The following MEAF6 variants were observed in gnomAD, a reference collection of about 807,000 sequenced individuals.
MEAF6 encodes the protein MYST/Esa1 associated factor 6, also known as chromatin modification-related protein MEAF6.
MEAF6 carries 15 observed loss-of-function variants against 28.9 expected under a neutral mutation model. That is an observed-to-expected ratio of 0.52 (90% CI 0.35 to 0.80). MEAF6 has a LOEUF of 0.80. MEAF6 is among the 30% of genes least tolerant of loss of function. MEAF6 has a pLI of 0.01. For missense variants in MEAF6, 178 were observed against 237.5 expected (o/e 0.75, Z 1.65); for synonymous variants, 97 against 88.7 (o/e 1.09, Z -0.53).
intron 4 of MEAF6, among the ~76,000 whole-genome samples, chr1:37,503,591 G>A (rs766557141): frequency 6.6e-6 from 1 of 151,136 alleles, no homozygotes; most frequent in African/African-American, 2.4e-5. Flanking sequence ...ATAAGTTTGA[G>A]GCTGCAGTGA....
chr1:37,506,744 T>C (rs1009183451), intron 4 of MEAF6, among the ~76,000 whole-genome samples: 2 of 152,042 alleles, frequency 1.3e-5, no homozygotes, highest in African/African-American at 4.8e-5. Flanking sequence ...GGCTGGAGTG[T>C]CATGGCTCAC....
In MEAF6 at chr1:37,492,560, C is replaced by CAAAAAAAAAAAAAAAAAA. The variant is rs35527783; in HGVS notation, c.*1521_*1538dup. On this transcript the variant is annotated 3_prime_UTR_variant, in exon 7 of 7. Coordinates refer to ENST00000296214, the MANE Select transcript of MEAF6 (RefSeq NM_001270875.3). ...AGTCAAAGATCTAAATAGCCAGAGTCAAAAAAAAAAAAAAAAAAAAACCCA... is the reference window on the plus strand; with the variant it reads ...AGTCAAAGATCTAAATAGCCAGAGTCAAAAAAAAAAAAAAAAAAAAAAAAAAAAAAAAAAAAAAACCCA... 1 of 73,092 alleles carries CAAAAAAAAAAAAAAAAAA rather than the reference C, an allele frequency of 1.4e-5. No homozygotes were observed. The highest frequency in any genetic ancestry group is 2.5e-5 in the Non-Finnish European group (1 of 40,206). The allele number at this position is 73,092 out of a possible 1,614,324, so 4.5% of individuals were successfully genotyped here. A position where few individuals can be genotyped will look rare whatever the true frequency, so the allele number is the denominator to read the frequency against.
chr1:37,513,462 T>C lies in MEAF6; in HGVS notation c.167A>G (p.Asn56Ser). The C allele has an allele frequency of 2.5e-6, 4 of 1,614,190 alleles. No homozygotes were observed. Among genetic ancestry groups the C allele is most frequent in the African/African-American group, 1.3e-5 (1 of 75,054 alleles). Residue 56 changes from asparagine to serine, a missense_variant, in exon 2 of 7, where the codon AAT (asparagine) becomes AGT (serine). Transcript: ENST00000296214. ...ATACCGATCCCAGCCACGAATAATA[T>C]TGCCATACATCTGAGTGTCTTCCAG... ...SYLEDTQMYG[N>S]IIRGWDRYLT... is the part of the protein sequence containing the mutation.
At chr1:37,512,726 C>T in intron 2 of MEAF6, among the ~76,000 whole-genome samples, 1 of 151,690 alleles carries the variant, frequency 6.6e-6, no homozygotes, top group East Asian at 1.9e-4. Flanking sequence ...CCCACTTCTA[C>T]AAAAAAAAGT....
Position 37,509,302 on chromosome 1 carries a change from C to T in MEAF6, c.316G>A (p.Val106Ile), listed in dbSNP as rs771751334. ...SAAAVSALAG[V>I]QDQLIEKREP... ...CTCTTTTCAATGAGCTGGTCCTGAA[C>T]TCCTGCCAATGCACTTACTGCCTAA... Residue 106 changes from valine (V) to isoleucine (I), a missense_variant, in exon 4 of 7, where the codon GTT becomes ATT. Around this residue, in one of 2 missense-constraint regions of MEAF6, gnomAD observed 124 missense variants for 200.5 expected, o/e 0.62. Transcript: ENST00000296214. 1 of 1,614,080 alleles carries T rather than the reference C, an allele frequency of 6.2e-7. No individual in the cohort carries two copies. The highest frequency in any genetic ancestry group is 8.5e-7 in the Non-Finnish European group (1 of 1,179,980).
At chr1:37,509,385 A>G in intron 3 of MEAF6, 62 bp from the exon 4 acceptor site, 1 of 1,607,834 alleles carries the variant, frequency 6.2e-7, no homozygotes, top group South Asian at 1.1e-5. Context: ...GCACTCCCAG[A>G]GGAAGGTAAA....
In MEAF6 at chr1:37,490,747, C is replaced by A. The variant is rs1040945467; in HGVS notation, c.*3352G>T. ...TTTTAAGCAATAATGCCTCATTAGGCCGGGTGCAGTGGCTCACGCCTGTAA... is the reference window on the plus strand; with the variant it reads ...TTTTAAGCAATAATGCCTCATTAGGACGGGTGCAGTGGCTCACGCCTGTAA... On this transcript the variant is annotated 3_prime_UTR_variant, in exon 7 of 7. Transcript: ENST00000296214. Among the ~76,000 whole-genome samples, 2 of 152,166 alleles carry A rather than the reference C, an allele frequency of 1.3e-5. No homozygotes were observed. Among genetic ancestry groups the A allele is most frequent in the African/African-American group, 4.8e-5 (2 of 41,434 alleles).
Position 37,514,713 on chromosome 1 carries a change from T to C in MEAF6, c.34A>G (p.Ile12Val). Residue 12 changes from isoleucine (I) to valine (V), a missense_variant, in exon 1 of 7, where the codon ATC (isoleucine) becomes GTC (valine). This residue lies in a region of MEAF6 where 54 missense variants were observed against 37.0 expected (regional missense o/e 1.46). Coordinates refer to ENST00000296214, the MANE Select transcript of MEAF6 (RefSeq NM_001270875.3). Reference protein sequence around the residue: ...AMHNKAAPPQIPDTRRELAEL... With the variant: ...AMHNKAAPPQVPDTRRELAEL... ...GCCAGCTCCCGCCGGGTGTCCGGGA[T>C]CTGCGGCGGCGCCGCCTTGTTGTGC... 6.5e-7 allele frequency: 1 copy of C among 1,537,262 alleles called. No homozygotes were observed. Among genetic ancestry groups the C allele is most frequent in the Non-Finnish European group, 8.7e-7 (1 of 1,146,656 alleles).
intron 1 of MEAF6, 33 bp from the exon 2 acceptor site, chr1:37,513,571 C>G: frequency 6.7e-7 from 1 of 1,493,986 alleles, no homozygotes; most frequent in East Asian, 2.3e-5. Flanking sequence ...ATGAATGATA[C>G]CTTTTAAATG....
rs1341753706 is a variant in MEAF6, at chr1:37,495,698, AAAAAACAAAAAAAAAAAAAAAC to A, written c.567+165_567+186del. Among the ~76,000 whole-genome samples the A allele has an allele frequency of 2.0e-3, 133 of 65,910 alleles. 2 individuals are homozygous for A. Among genetic ancestry groups the A allele is most frequent in the Non-Finnish European group, 7.9e-4 (19 of 23,940 alleles). The allele number at this position is 65,910 out of a possible 152,430, so 43.2% of individuals were successfully genotyped here. The stretch of plus-strand genomic sequence containing the variant: ...AAACTGTCTCTCAAAAAAAAAAAAC[AAAAAACAAAAAAAAAAAAAAAC>A]AAAAAAACCACCTAAAAGTTGAAGT... On this transcript the variant is annotated intron_variant, in intron 6 of 6. Coordinates refer to ENST00000296214, the MANE Select transcript of MEAF6 (RefSeq NM_001270875.3).
At chr1:37,496,787 T>C (rs373718751) in intron 5 of MEAF6, 200 of 1,551,666 alleles carry the variant, frequency 1.3e-4, no homozygotes, top group Non-Finnish European at 1.6e-4. Flanking sequence ...AATATACTAA[T>C]TGAATAAATT....
intron 5 of MEAF6, among the ~76,000 whole-genome samples, chr1:37,498,357 CTAAAG>C (rs989535049): frequency 7.2e-5 from 11 of 151,742 alleles, no homozygotes; most frequent in East Asian, 1.9e-4. Context: ...TACAGACTAT[CTAAAG>C]TAATTTTTTA....
Position 37,493,767 on chromosome 1 carries a change from T to G in MEAF6, c.*332A>C. On this transcript the variant is annotated 3_prime_UTR_variant, in exon 7 of 7. Coordinates refer to ENST00000296214, the MANE Select transcript of MEAF6 (RefSeq NM_001270875.3). ...AAACCAGAGAACATTTCTTGAAGGG[T>G]ATCACAGATGAAGCTGGTGCCAGCC... The G allele has an allele frequency of 1.1e-5, 17 of 1,549,360 alleles. No individual in the cohort carries two copies. Among genetic ancestry groups the G allele is most frequent in the Non-Finnish European group, 1.4e-5 (16 of 1,145,828 alleles).
intron 4 of MEAF6, among the ~76,000 whole-genome samples, chr1:37,504,180 C>T (rs1005659364): frequency 6.6e-6 from 1 of 152,132 alleles, no homozygotes; most frequent in African/African-American, 2.4e-5. Context: ...TGTTCTCTCT[C>T]CTACTGCCTT....
At chr1:37,508,374 G>A (rs1569983427) in intron 4 of MEAF6, among the ~76,000 whole-genome samples, 1 of 149,160 alleles carries the variant, frequency 6.7e-6, no homozygotes, top group Non-Finnish European at 1.5e-5. Context: ...AACTTCCTGG[G>A]CTAAAGTGAT....
intron 2 of MEAF6, among the ~76,000 whole-genome samples, chr1:37,512,879 G>A (rs1642713155): frequency 6.6e-6 from 1 of 151,806 alleles, no homozygotes; most frequent in Non-Finnish European, 1.5e-5. Context: ...ACAACAGCGT[G>A]AGACCCTGTC....
chr1:37,509,392 TA>T, intron 3 of MEAF6, 62 bp downstream of exon 3: 1 of 1,608,144 alleles, frequency 6.2e-7, no homozygotes, highest in Non-Finnish European at 8.5e-7. Context: ...CAGAGGAAGG[TA>T]AAGAAAAAAC....
intron 1 of MEAF6, chr1:37,513,900 T>C (rs1642747534): frequency 6.7e-6 from 2 of 298,384 alleles, no homozygotes; most frequent in East Asian, 1.1e-4. Flanking sequence ...GAGGGAAAGG[T>C]GAGCAGCCTT....
At chr1:37,495,056 C>T (rs1157640659) in intron 6 of MEAF6, among the ~76,000 whole-genome samples, 2 of 151,738 alleles carry the variant, frequency 1.3e-5, no homozygotes, top group African/African-American at 2.4e-5. Flanking sequence ...TGTGACCGGC[C>T]GGGTGCGGTG....
Sources: allele counts gnomAD v4.1 joint callset (sites outside exome capture counted in the v4.1 genomes callset), GRCh38; gene constraint gnomAD v4.1.1; regional missense constraint gnomAD v4.1.1; transcripts MANE v1.5; gene names NCBI Gene and HGNC (gene_info 2026-07-23, HGNC 2026-07-21).